The following C7 variants were observed in gnomAD, a reference collection of about 807,000 sequenced individuals.
C7 encodes the protein complement component C7.
Under a neutral mutation model 104.8 loss-of-function variants are expected in C7, and 83 were observed. The ratio of observed to expected loss-of-function variants is 0.79; its 90% CI spans 0.66 to 0.95. The LOEUF is 0.95. Ranked by LOEUF, C7 falls within the 40% of genes least tolerant of loss-of-function variation. The pLI is 0.00. For missense variants in C7, 1,070 were observed against 1,011.2 expected, an observed-to-expected ratio of 1.06 and a Z score of -0.79; for synonymous variants, 415 against 360.6, an observed-to-expected ratio of 1.15 and a Z score of -1.71.
chr5:40,950,187 A>T (rs1392076525), intron 9 of C7, among the ~76,000 whole-genome samples, 173 bp downstream of exon 9: 1 of 151,820 alleles, frequency 6.6e-6, no homozygotes, highest in Non-Finnish European at 1.5e-5. Flanking sequence ...TTTTTTCCTG[A>T]TCTTCTCCCT....
At chr5:40,947,416 C>T (rs1410701936) in intron 7 of C7, among the ~76,000 whole-genome samples, 186 bp from the exon 8 acceptor site, 1 of 152,010 alleles carries the variant, frequency 6.6e-6, no homozygotes, top group Non-Finnish European at 1.5e-5. Context: ...ATTTGAGACT[C>T]CAAATATTCC....
At chr5:40,956,163 G>A (rs912598588) in intron 10 of C7, among the ~76,000 whole-genome samples, 1 of 152,120 alleles carries the variant, frequency 6.6e-6, no homozygotes, top group Non-Finnish European at 1.5e-5. Context: ...AAAAAGACAG[G>A]TGCCAATAAA....
Position 40,959,633 on chromosome 5 carries a change from C to T in C7, c.1661+13C>T, listed in dbSNP as rs778962570. The T allele has an allele frequency of 5.6e-5, 88 of 1,563,074 alleles. 1 individual carries two copies. The highest frequency in any genetic ancestry group is 5.5e-5 in the African/African-American group (4 of 73,278). On this transcript the variant is annotated intron_variant, in intron 12 of 17. Transcript: ENST00000313164. The stretch of plus-strand genomic sequence containing the variant: ...TGGAGCACTTGAGGTAATGGAGACC[C>T]GACCCCCTGGCAGTTGCATAGAACA...
intron 14 of C7, among the ~76,000 whole-genome samples, chr5:40,969,057 G>T (rs904829885): frequency 6.6e-6 from 1 of 151,766 alleles, no homozygotes; most frequent in Non-Finnish European, 1.5e-5. Flanking sequence ...CTTACTTCCC[G>T]CCCAGTTTCC....
chr5:40,979,855 C>A lies in C7; in HGVS notation c.2296C>A (p.Pro766Thr). The stretch of plus-strand genomic sequence containing the variant: ...TACTGGTAGGGACAGCTGTACTCTG[C>A]CTGCCTCAGCTGAGAAAGCTTGTGG... ...TLTGRDSCTL[P>T]ASAEKACGAC... is the part of the protein sequence containing the mutation. The change falls in exon 17 of 18, where the codon CCT becomes ACT. Residue 766 changes from proline to threonine, a missense_variant. Physicochemically the swap from Pro to Thr is conservative, Grantham distance 38. Transcript: ENST00000313164. 1 of 1,608,744 alleles carries A rather than the reference C, an allele frequency of 6.2e-7. No individual in the cohort carries two copies. The highest frequency in any genetic ancestry group is 8.5e-7 in the Non-Finnish European group (1 of 1,177,116).
chr5:40,950,055 C>CTT (rs149156108), intron 9 of C7, 41 bp downstream of exon 9: 1,487 of 1,016,818 alleles, frequency 1.5e-3, no homozygotes, highest in Non-Finnish European at 1.7e-3. Flanking sequence ...AGCTTAACTT[C>CTT]TTTTTTTTTT....
chr5:40,979,125 C>G (rs1740882751), intron 16 of C7, among the ~76,000 whole-genome samples: 1 of 152,036 alleles, frequency 6.6e-6, no homozygotes, highest in East Asian at 1.9e-4. Flanking sequence ...AATGATCCAC[C>G]TGCGTTGGCC....
rs1300457472 is a variant in C7, at chr5:40,983,029, G to A, written c.*1456G>A. On this transcript the variant is annotated 3_prime_UTR_variant, in exon 18 of 18. Transcript: ENST00000313164. ...TGCCTGAAGTTTTATGTCTGATCCA[G>A]ATCTAGCTTTTTGTATCAAAGTGTG... 6.6e-6 allele frequency: 1 copy of A among 152,320 alleles called. No homozygotes were observed. The highest frequency in any genetic ancestry group is 2.4e-5 in the African/African-American group (1 of 41,454). 9.4% of individuals were successfully genotyped at this position (152,320 alleles called of 1,614,324 possible).
At position 40,934,458 on chromosome 5, in the gene C7, G is replaced by A. The variant is rs148445141; in HGVS notation, c.272G>A (p.Cys91Tyr). 6.2e-7 allele frequency: 1 copy of A among 1,613,578 alleles called. No homozygotes were observed. Among genetic ancestry groups the A allele is most frequent in the African/African-American group, 1.3e-5 (1 of 75,024 alleles). Residue 91 changes from cysteine (C) to tyrosine (Y), a missense_variant, in exon 4 of 18, where the codon TGC (cysteine) becomes TAC (tyrosine). Cys to Tyr is a radical substitution (Grantham distance 194). Transcript: ENST00000313164. ...TEEGCGERFR[C>Y]FSGQCISKSL... ...GAGGGATGTGGAGAGCGTTTCAGGT[G>A]CTTTTCAGGTAACTTGTTTTCCATA... is the stretch of plus-strand genomic sequence containing the variant.
intron 6 of C7, among the ~76,000 whole-genome samples, chr5:40,943,697 GTA>G (rs200433605): frequency 1.4e-5 from 2 of 147,396 alleles, no homozygotes. Flanking sequence ...GTGTGTGTGT[GTA>G]TATATATATA....
chr5:40,972,692 C>A lies in C7; in HGVS notation c.2074+98C>A, dbSNP rs570325129. ...GTACTGTATCACCATAGCTGTGAGT[C>A]ATTCCCTCCATTCTTGCTCCTTAAG... On this transcript the variant is annotated intron_variant, in intron 15 of 17. Transcript: ENST00000313164. 4.5e-6 allele frequency: 4 copies of A among 892,652 alleles called. No individual in the cohort carries two copies. The East Asian group carries it at 9.9e-5, about 22-fold the overall frequency. The allele number at this position is 892,652 out of a possible 1,614,324, so 55.3% of individuals were successfully genotyped here.
At chr5:40,952,631 C>T (rs1026590504) in intron 9 of C7, among the ~76,000 whole-genome samples, 2 of 152,074 alleles carry the variant, frequency 1.3e-5, no homozygotes, top group Non-Finnish European at 2.9e-5. Flanking sequence ...TCTCCTAATG[C>T]TATCCCTCCC....
intron 8 of C7, among the ~76,000 whole-genome samples, chr5:40,948,973 C>A (rs1189517274): frequency 6.6e-6 from 1 of 151,550 alleles, no homozygotes; most frequent in Non-Finnish European, 1.5e-5. Context: ...TTGATCTTTT[C>A]AAATCTTATA....
intron 13 of C7, among the ~76,000 whole-genome samples, chr5:40,963,240 G>C (rs1740459497): frequency 6.6e-6 from 1 of 152,198 alleles, no homozygotes; most frequent in African/African-American, 2.4e-5. Flanking sequence ...CTTAAAACTA[G>C]AGATGGCTCT....
chr5:40,939,916 G>T (rs1739899631), intron 6 of C7, among the ~76,000 whole-genome samples: 2 of 152,202 alleles, frequency 1.3e-5, no homozygotes, highest in Non-Finnish European at 2.9e-5. Flanking sequence ...CCCCATCACT[G>T]AATGTGAAGG....
chr5:40,955,580 A>G, intron 10 of C7, 27 bp downstream of exon 10: 1 of 1,594,030 alleles, frequency 6.3e-7, no homozygotes, highest in Non-Finnish European at 8.6e-7. Context: ...TTAAAGCAAT[A>G]GGAAGCAGTC....
chr5:40,935,475 G>C (rs546936897), intron 4 of C7, among the ~76,000 whole-genome samples: 1 of 152,190 alleles, frequency 6.6e-6, no homozygotes, highest in Non-Finnish European at 1.5e-5. Context: ...CATAGAGGAA[G>C]AACATGCATC....
chr5:40,981,311 C>T lies in C7; in HGVS notation c.2351-81C>T, dbSNP rs1043041275. The T allele has an allele frequency of 4.5e-6, 6 of 1,324,160 alleles. No individual in the cohort carries two copies. The African/African-American group carries it at 8.7e-5, about 19-fold the overall frequency. The allele number at this position is 1,324,160 out of a possible 1,614,324, so 82.0% of individuals were successfully genotyped here. A position where few individuals can be genotyped will look rare whatever the true frequency, so the allele number is the denominator to read the frequency against. Reference sequence around the variant, plus strand: ...GGAGCTTCTACAGCTCTGATCACCACATTATTACTTTGGAGGTGATGTTCT... The same window carrying T: ...GGAGCTTCTACAGCTCTGATCACCATATTATTACTTTGGAGGTGATGTTCT... On this transcript the variant is annotated intron_variant, in intron 17 of 17. Coordinates refer to ENST00000313164, the MANE Select transcript of C7 (RefSeq NM_000587.4).
In C7 at chr5:40,958,014, A is replaced by G. The variant is rs2111662894; in HGVS notation, c.1261-19A>G. 1.3e-6 allele frequency: 2 copies of G among 1,558,994 alleles called. No individual in the cohort carries two copies. Among genetic ancestry groups the G allele is most frequent in the African/African-American group, 2.7e-5 (2 of 73,854 alleles). Reference sequence around the variant, plus strand: ...GCCTAAATCCCTGATTACTGACTATAATGTCTTTATCTCTATAGCTGACAC... The same window carrying G: ...GCCTAAATCCCTGATTACTGACTATGATGTCTTTATCTCTATAGCTGACAC... On this transcript the variant is annotated intron_variant, in intron 10 of 17. Coordinates refer to ENST00000313164, the MANE Select transcript of C7 (RefSeq NM_000587.4).
Sources: gnomAD v4.1 joint callset for allele counts (sites outside exome capture counted in the v4.1 genomes callset) on GRCh38, gnomAD v4.1.1 for gene constraint, MANE v1.5 for transcripts, NCBI Gene and HGNC (gene_info 2026-07-23, HGNC 2026-07-21) for gene names.